Variants in INVS observed in about 807,000 individuals in gnomAD.
INVS encodes inversion of embryo turning homolog.
INVS carries 86 observed loss-of-function variants against 108.8 expected under a neutral mutation model. The observed-to-expected ratio is 0.79, with a 90% confidence interval of 0.66 to 0.95. The LOEUF is 0.95. Among genes scored for constraint, INVS ranks in the 40% least tolerant of loss-of-function variants. The pLI, the probability that INVS is intolerant of heterozygous loss-of-function variation, is 0.00. For missense variants in INVS, 1,169 were observed against 1,297.4 expected (o/e 0.90, Z 1.52); for synonymous variants, 455 against 473.5 (o/e 0.96, Z 0.51).
chr9:100,226,319 C>T, intron 4 of INVS, 84 bp downstream of exon 4: 1 of 1,119,838 alleles, frequency 8.9e-7, no homozygotes, highest in Non-Finnish European at 1.3e-6. Context: ...GGAAGAAGGC[C>T]TGAATTACCA....
intron 3 of INVS, among the ~76,000 whole-genome samples, chr9:100,156,336 C>T (rs1168765039): frequency 6.7e-6 from 1 of 149,260 alleles, no homozygotes; most frequent in Non-Finnish European, 1.5e-5. Flanking sequence ...TCTCGGCTCA[C>T]TGCTACCTCT....
Position 100,100,837 on chromosome 9 carries a change from T to TATAGTATATATA in INVS, c.-25+1424_-25+1425insGTATATATAATA, listed in dbSNP as rs1264794485. 1.8e-3 allele frequency among the ~76,000 whole-genome samples: 16 copies of TATAGTATATATA among 9,076 alleles called. 1 individual carries two copies. The highest frequency in any genetic ancestry group is 0.01 in the African/African-American group (16 of 1,566). The allele number at this position is 9,076 out of a possible 152,430, so 6.0% of individuals were successfully genotyped here. On this transcript the variant is annotated intron_variant, in intron 1 of 16. Coordinates refer to ENST00000262457, the MANE Select transcript of INVS (RefSeq NM_014425.5). ...ATATATATAATATATGTATATATAATATATATATAATATATGTATATATAA... is the reference window on the plus strand; with the variant it reads ...ATATATATAATATATGTATATATAATATAGTATATATAATATATATAATATATGTATATATAA...
chr9:100,177,871 G>A (rs1829766993), intron 3 of INVS, among the ~76,000 whole-genome samples: 2 of 152,160 alleles, frequency 1.3e-5, no homozygotes, highest in African/African-American at 4.8e-5. Context: ...ACCTCATACA[G>A]GACAGCTCTG....
intron 2 of INVS, among the ~76,000 whole-genome samples, chr9:100,115,377 C>A (rs1827481935): frequency 6.6e-6 from 1 of 151,912 alleles, no homozygotes; most frequent in Non-Finnish European, 1.5e-5. Context: ...CATATGTATA[C>A]ATGTGCCATC....
intron 13 of INVS, among the ~76,000 whole-genome samples, chr9:100,284,928 G>T (rs531493193): frequency 1.8e-4 from 27 of 152,212 alleles, no homozygotes; most frequent in African/African-American, 5.1e-4. Flanking sequence ...GTATCGGATG[G>T]TGTTATAAAT....
chr9:100,229,952 A>C (rs1272591571), intron 5 of INVS, 125 bp downstream of exon 5: 4 of 846,750 alleles, frequency 4.7e-6, no homozygotes, highest in Non-Finnish European at 1.9e-6. Context: ...TACAACAGAC[A>C]TATGGACTCA....
intron 3 of INVS, among the ~76,000 whole-genome samples, chr9:100,195,828 C>G (rs1830357818): frequency 6.6e-6 from 1 of 152,172 alleles, no homozygotes; most frequent in Non-Finnish European, 1.5e-5. Flanking sequence ...CCTTGCACTT[C>G]TGGGATTAAG....
At chr9:100,175,752 G>T in intron 3 of INVS, 1 of 629,994 alleles carries the variant, frequency 1.6e-6, no homozygotes, top group Non-Finnish European at 3.0e-6. Flanking sequence ...TAGCAGTTCG[G>T]CCTGGGGCAA....
At chr9:100,261,941 T>C (rs1832637487) in intron 10 of INVS, among the ~76,000 whole-genome samples, 1 of 152,156 alleles carries the variant, frequency 6.6e-6, no homozygotes, top group Non-Finnish European at 1.5e-5. Context: ...AGAGTTTTTT[T>C]AAATCATAGT....
At chr9:100,147,192 T>A (rs1410243638) in intron 3 of INVS, among the ~76,000 whole-genome samples, 1 of 152,240 alleles carries the variant, frequency 6.6e-6, no homozygotes, top group Non-Finnish European at 1.5e-5. Flanking sequence ...TTTTATATGC[T>A]TAGTCTTCTG....
intron 12 of INVS, among the ~76,000 whole-genome samples, chr9:100,274,571 C>T (rs1233829071): frequency 2.6e-5 from 4 of 152,168 alleles, no homozygotes; most frequent in Non-Finnish European, 5.9e-5. Flanking sequence ...GTGGCATGAT[C>T]GCCACTCACT....
chr9:100,209,423 T>C (rs966047448), intron 3 of INVS, among the ~76,000 whole-genome samples: 8 of 152,132 alleles, frequency 5.3e-5, no homozygotes, highest in Admixed American at 3.9e-4. Flanking sequence ...GATTTGCCTT[T>C]GGGTGTGGGA....
intron 3 of INVS, among the ~76,000 whole-genome samples, chr9:100,225,160 C>G (rs1346527161): frequency 1.3e-5 from 2 of 150,668 alleles, no homozygotes; most frequent in Admixed American, 1.3e-4. Flanking sequence ...CAGGTTCACG[C>G]CATTCTGCTG....
rs1375022187 is a variant in INVS, at chr9:100,252,584, C to G, written c.1234+146C>G. 3 of 823,396 alleles carry G rather than the reference C, an allele frequency of 3.6e-6. No individual in the cohort carries two copies. The East Asian group carries it at 8.0e-5, about 22-fold the overall frequency. The allele number at this position is 823,396 out of a possible 1,614,324, so 51.0% of individuals were successfully genotyped here. A position where few individuals can be genotyped will look rare whatever the true frequency, so the allele number is the denominator to read the frequency against. On this transcript the variant is annotated intron_variant, in intron 9 of 16. Coordinates refer to ENST00000262457, the MANE Select transcript of INVS (RefSeq NM_014425.5). Reference sequence around the variant, plus strand: ...TCACACAACATGGCATGAGGAACCTCAAGTTCTACTCCTAGCTCCACTTGT... The same window carrying G: ...TCACACAACATGGCATGAGGAACCTGAAGTTCTACTCCTAGCTCCACTTGT...
At chr9:100,102,283 G>A (rs941019339) in intron 1 of INVS, among the ~76,000 whole-genome samples, 4 of 151,980 alleles carry the variant, frequency 2.6e-5, no homozygotes, top group African/African-American at 9.7e-5. Context: ...GTTTTTAGTA[G>A]GGACGGGGTT....
chr9:100,250,530 A>C (rs569351792), intron 8 of INVS, among the ~76,000 whole-genome samples: 12 of 129,298 alleles, frequency 9.3e-5, no homozygotes, highest in Non-Finnish European at 1.9e-4. Context: ...CAAGAATGGC[A>C]TAAGAATTAC....
intron 3 of INVS, among the ~76,000 whole-genome samples, chr9:100,157,173 T>C (rs1829017578): frequency 6.6e-6 from 1 of 151,652 alleles, no homozygotes; most frequent in South Asian, 2.1e-4. Flanking sequence ...AAACCTGTTT[T>C]TATAAATAAA....
At position 100,292,488 on chromosome 9, in the gene INVS, A is replaced by T; in HGVS notation, c.2231A>T (p.Gln744Leu). 1 of 1,614,186 alleles carries T rather than the reference A, an allele frequency of 6.2e-7. No homozygotes were observed. Among genetic ancestry groups the T allele is most frequent in the Non-Finnish European group, 8.5e-7 (1 of 1,180,024 alleles). ...RCAKGKGFVK[Q>L]PSCIRVAGPD... ...GCAAAGGGGAAAGGCTTCGTGAAGC[A>T]GCCCTCCTGTATCAGGGTGGCTGGG... is the stretch of plus-strand genomic sequence containing the variant. The change falls in exon 14 of 17, where the codon CAG (glutamine) becomes CTG (leucine). Residue 744 changes from glutamine (Q) to leucine (L), a missense_variant. By Grantham distance (113) the Gln-to-Leu change is moderately radical (BLOSUM62 -2). This residue lies in a region of INVS where 533 missense variants were observed against 536.0 expected (regional missense o/e 0.99). Transcript: ENST00000262457.
intron 3 of INVS, among the ~76,000 whole-genome samples, chr9:100,194,439 G>T (rs969350001): frequency 2.6e-5 from 4 of 151,466 alleles, no homozygotes; most frequent in Non-Finnish European, 5.9e-5. Flanking sequence ...CATTCTATTA[G>T]TCGTTTCATA....
Sources: allele counts gnomAD v4.1 joint callset (sites outside exome capture counted in the v4.1 genomes callset), GRCh38; gene constraint gnomAD v4.1.1; regional missense constraint gnomAD v4.1.1; transcripts MANE v1.5; gene names NCBI Gene and HGNC (gene_info 2026-07-23, HGNC 2026-07-21).